The following FZD6 variants were observed in gnomAD, a reference collection of about 807,000 sequenced individuals.
FZD6 encodes the protein frizzled-6.
FZD6 carries 49 observed loss-of-function variants against 61.4 expected under a neutral mutation model. The ratio of observed to expected loss-of-function variants is 0.80; its 90% CI spans 0.63 to 1.01. FZD6 has a LOEUF of 1.01. FZD6 is among the 50% of genes least tolerant of loss of function. The pLI is 0.00. For synonymous variants in FZD6, 265 were observed against 292.2 expected (o/e 0.91, Z 0.95); for missense variants, 724 against 848.2 (o/e 0.85, Z 1.82).
At chr8:103,310,179 C>T (rs1586508256) in intron 2 of FZD6, among the ~76,000 whole-genome samples, 1 of 152,188 alleles carries the variant, frequency 6.6e-6, no homozygotes, top group Non-Finnish European at 1.5e-5. Context: ...ATGGGAAGCA[C>T]ATTAAACTGA....
chr8:103,327,413 G>A (rs1403575005), intron 4 of FZD6, among the ~76,000 whole-genome samples: 2 of 152,100 alleles, frequency 1.3e-5, no homozygotes, highest in Non-Finnish European at 2.9e-5. Flanking sequence ...TGGGCAACAT[G>A]GTAAAACCCT....
At chr8:103,330,159 A>T in intron 6 of FZD6, 94 bp downstream of exon 6, 1 of 1,146,858 alleles carries the variant, frequency 8.7e-7, no homozygotes, top group East Asian at 2.4e-5. Context: ...GCATTTTGTG[A>T]TATATTATGT....
rs60176627 is a variant in FZD6 at position 103,317,825 on chromosome 8, C to CA, written c.178-749dup. ...TGGGCAACAGAGCAAGACTCTGTCTCAAAAAAAAAAAAAAAAGAAAGAAAG... is the reference window on the plus strand; with the variant it reads ...TGGGCAACAGAGCAAGACTCTGTCTCAAAAAAAAAAAAAAAAAGAAAGAAAG... On this transcript the variant is annotated intron_variant, in intron 2 of 6. Transcript: ENST00000358755. Among the ~76,000 whole-genome samples, 38 of 133,624 alleles carry CA rather than the reference C, an allele frequency of 2.8e-4. No homozygotes were observed. The East Asian group carries it at 3.6e-3, about 13-fold the overall frequency. 87.7% of individuals were successfully genotyped at this position (133,624 alleles called of 152,430 possible).
intron 2 of FZD6, among the ~76,000 whole-genome samples, chr8:103,313,971 G>A (rs964090253): frequency 6.6e-6 from 1 of 152,074 alleles, no homozygotes; most frequent in South Asian, 2.1e-4. Context: ...TTGAGTAGCA[G>A]CAGCTTCCCA....
intron 5 of FZD6, 121 bp downstream of exon 5, chr8:103,328,537 C>A: frequency 3.4e-6 from 3 of 876,042 alleles, no homozygotes; most frequent in Non-Finnish European, 5.3e-6. Context: ...TTTGATTTGC[C>A]AACTGAAGTT....
chr8:103,304,967 G>A (rs905533283), intron 2 of FZD6, among the ~76,000 whole-genome samples: 18 of 152,126 alleles, frequency 1.2e-4, no homozygotes, highest in African/African-American at 4.3e-4. Context: ...TTTATTATGT[G>A]AACCTGAAAT....
intron 3 of FZD6, among the ~76,000 whole-genome samples, chr8:103,320,469 G>A (rs1379784884): frequency 6.6e-6 from 1 of 152,018 alleles, no homozygotes; most frequent in African/African-American, 2.4e-5. Context: ...AAAAAATGAA[G>A]GATAATGAGA....
At chr8:103,301,377 G>T (rs827529) in intron 2 of FZD6, among the ~76,000 whole-genome samples, 144,049 of 152,288 alleles carry the variant, frequency 0.95, 68,199 homozygotes, top group East Asian at 1. Flanking sequence ...AGACTTTCAT[G>T]AATCAGAACC....
Position 103,300,176 on chromosome 8 carries a change from C to G in FZD6, c.69C>G (p.Thr23=), listed in dbSNP as rs763564162. The change falls in exon 2 of 7, where the codon ACC becomes ACG. Residue 23 remains threonine, a synonymous_variant. Transcript: ENST00000358755. ...TCCTAAGAGGGCACAGTCTCTTCAC[C>G]TGTGAACCAATTACTGTTCCCAGAT... is the stretch of plus-strand genomic sequence containing the variant. ...LPLLRGHSLF[T]CEPITVPRCM... is the part of the protein sequence containing the mutation. The G allele has an allele frequency of 5.6e-6, 9 of 1,603,400 alleles. No individual in the cohort carries two copies. The South Asian group carries it at 8.8e-5, about 16-fold the overall frequency.
At chr8:103,299,480 C>G (rs182618779) in intron 1 of FZD6, among the ~76,000 whole-genome samples, 3 of 152,186 alleles carry the variant, frequency 2.0e-5, no homozygotes, top group Non-Finnish European at 2.9e-5. Flanking sequence ...GTTGGCCTTA[C>G]GAAAATCGAG....
At chr8:103,325,612 C>A in intron 4 of FZD6, 114 bp downstream of exon 4, 1 of 879,094 alleles carries the variant, frequency 1.1e-6, no homozygotes, top group Non-Finnish European at 1.9e-6. Flanking sequence ...AATACAAGAG[C>A]CATAGGTAAG....
intron 3 of FZD6, among the ~76,000 whole-genome samples, chr8:103,324,204 A>G (rs889430346): frequency 2.0e-5 from 3 of 152,214 alleles, no homozygotes; most frequent in African/African-American, 7.2e-5. Context: ...TTTTAAAATT[A>G]TGAATTGGCT....
chr8:103,300,291 A>G lies in FZD6; in HGVS notation c.177+7A>G. 6.4e-7 allele frequency: 1 copy of G among 1,568,876 alleles called. No individual in the cohort carries two copies. The highest frequency in any genetic ancestry group is 8.8e-7 in the Non-Finnish European group (1 of 1,138,626). ...TGCCGCGGTGGAAATGGAGGTGAGT[A>G]GTGCTTCATACGTTTATTGAATAGT... On this transcript the variant is annotated splice_region_variant and intron_variant, in intron 2 of 6. Coordinates refer to ENST00000358755, the MANE Select transcript of FZD6 (RefSeq NM_003506.4).
At position 103,325,009 on chromosome 8, in the gene FZD6, G is replaced by A. The variant is rs150261268; in HGVS notation, c.903G>A (p.Val301=). The change falls in exon 4 of 7, where the codon GTG becomes GTA. Residue 301 remains valine (V), a synonymous_variant. Coordinates refer to ENST00000358755, the MANE Select transcript of FZD6 (RefSeq NM_003506.4). ...FFTMAGTVWW[V]ILTITWFLAA... ...CAATGGCTGGCACTGTGTGGTGGGT[G>A]ATTCTTACCATTACTTGGTTCTTAG... 16 of 1,614,100 alleles carry A rather than the reference G, an allele frequency of 9.9e-6. No individual in the cohort carries two copies. Among genetic ancestry groups the A allele is most frequent in the Non-Finnish European group, 1.4e-5 (16 of 1,179,984 alleles).
At chr8:103,306,852 G>T (rs1814348695) in intron 2 of FZD6, among the ~76,000 whole-genome samples, 1 of 151,976 alleles carries the variant, frequency 6.6e-6, no homozygotes, top group African/African-American at 2.4e-5. Context: ...CCTTCACTCA[G>T]TTTTAATCAC....
intron 5 of FZD6, among the ~76,000 whole-genome samples, chr8:103,328,991 T>A (rs1279668648): frequency 1.3e-3 from 123 of 98,332 alleles, no homozygotes; most frequent in African/African-American, 3.4e-3. Flanking sequence ...TGATTTATAT[T>A]TATGAGTAAT....
At chr8:103,308,233 C>G (rs1814396718) in intron 2 of FZD6, among the ~76,000 whole-genome samples, 2 of 152,158 alleles carry the variant, frequency 1.3e-5, no homozygotes, top group Non-Finnish European at 2.9e-5. Context: ...TAAGAGCCTC[C>G]TCTGTCTTGG....
chr8:103,309,454 A>C (rs1814433938), intron 2 of FZD6, among the ~76,000 whole-genome samples: 1 of 152,202 alleles, frequency 6.6e-6, no homozygotes, highest in Non-Finnish European at 1.5e-5. Flanking sequence ...GGAAAGTTGA[A>C]ATGAGCAGGT....
At chr8:103,304,580 C>T (rs936189108) in intron 2 of FZD6, among the ~76,000 whole-genome samples, 4 of 152,186 alleles carry the variant, frequency 2.6e-5, no homozygotes, top group East Asian at 1.9e-4. Flanking sequence ...ATACAGTCTC[C>T]GTCACAGCTA....
Sources: allele counts gnomAD v4.1 joint callset (sites outside exome capture counted in the v4.1 genomes callset), GRCh38; gene constraint gnomAD v4.1.1; transcripts MANE v1.5; gene names NCBI Gene and HGNC (gene_info 2026-07-23, HGNC 2026-07-21).